Variants in GRB10 observed in about 807,000 individuals in gnomAD.
GRB10 encodes the protein growth factor receptor bound protein 10, also known as growth factor receptor-bound protein 10.
In GRB10, 20 loss-of-function variants were observed where a neutral mutation model predicts 80.9. That is an observed-to-expected ratio of 0.25 (90% CI 0.17 to 0.36). The LOEUF (loss-of-function observed/expected upper bound fraction) is 0.36. GRB10 is among the 10% of genes least tolerant of loss of function. The pLI is 1.00. For synonymous variants in GRB10, 291 were observed against 291.5 expected, an observed-to-expected ratio of 1.00 and a Z score of 0.02; for missense variants, 548 against 747.7, an observed-to-expected ratio of 0.73 and a Z score of 3.12.
intron 3 of GRB10, among the ~76,000 whole-genome samples, chr7:50,749,250 T>C (rs1476546945): frequency 1.3e-5 from 2 of 151,022 alleles, no homozygotes; most frequent in Non-Finnish European, 2.9e-5. Flanking sequence ...TGCCTCAGCC[T>C]CCAGAGTAGC....
At chr7:50,676,322 G>T (rs74809540) in intron 5 of GRB10, among the ~76,000 whole-genome samples, 1 of 127,528 alleles carries the variant, frequency 7.8e-6, no homozygotes, top group Non-Finnish European at 1.6e-5. Context: ...CTTAGCAATA[G>T]TGTCCACCCC....
intron 4 of GRB10, among the ~76,000 whole-genome samples, chr7:50,716,059 C>T (rs1394899746): frequency 1.3e-5 from 2 of 152,168 alleles, no homozygotes; most frequent in Non-Finnish European, 2.9e-5. Flanking sequence ...AGAGAGGGGG[C>T]TCTCCACACA....
In GRB10 at chr7:50,614,847, C is replaced by G; in HGVS notation, c.1018G>C (p.Glu340Gln). 1 of 1,613,856 alleles carries G rather than the reference C, an allele frequency of 6.2e-7. No individual in the cohort carries two copies. Among genetic ancestry groups the G allele is most frequent in the Non-Finnish European group, 8.5e-7 (1 of 1,179,832 alleles). The change falls in exon 12 of 19, where the codon GAG becomes CAG. Residue 340 changes from glutamate (E) to glutamine (Q), a missense_variant. Physicochemically the swap from Glu to Gln is conservative, Grantham distance 29. Around this residue, in one of 4 missense-constraint regions of GRB10, gnomAD observed 270 missense variants for 433.6 expected, o/e 0.62. Transcript: ENST00000401949. ...PRHLQLLADL[E>Q]DSNIFSLIAG... ...ATCAGGGAGAAGATGTTGCTGTCCT[C>G]CAGGTCGGCCAGCAGCTGCAGGTGT... is the stretch of plus-strand genomic sequence containing the variant.
At chr7:50,639,673 CAAAA>C (rs544650823) in intron 7 of GRB10, among the ~76,000 whole-genome samples, 1 of 125,354 alleles carries the variant, frequency 8.0e-6, no homozygotes. Flanking sequence ...GACTCTGTCT[CAAAA>C]AAAAAAAAAA....
intron 3 of GRB10, among the ~76,000 whole-genome samples, chr7:50,735,872 A>AAAAAAC (rs1563653264): frequency 6.6e-6 from 1 of 152,176 alleles, no homozygotes; most frequent in Non-Finnish European, 1.5e-5. Context: ...CTACAGGAAA[A>AAAAAAC]AAAACAAAAC....
At chr7:50,728,483 A>G (rs1253788676) in intron 4 of GRB10, among the ~76,000 whole-genome samples, 1 of 152,122 alleles carries the variant, frequency 6.6e-6, no homozygotes, top group Non-Finnish European at 1.5e-5. Context: ...AACCCAGAAA[A>G]TGGGGAGGAG....
intron 3 of GRB10, among the ~76,000 whole-genome samples, chr7:50,741,387 C>T (rs1007247094): frequency 2.6e-5 from 4 of 151,964 alleles, no homozygotes; most frequent in Non-Finnish European, 4.4e-5. Context: ...TTGCAGAACA[C>T]GGCCCCAAGG....
At chr7:50,693,201 A>G (rs142356368) in intron 5 of GRB10, among the ~76,000 whole-genome samples, 190 of 152,320 alleles carry the variant, frequency 1.2e-3, no homozygotes, top group African/African-American at 4.2e-3. Flanking sequence ...TAATGTTGCT[A>G]AGAATGGCTT....
intron 3 of GRB10, among the ~76,000 whole-genome samples, chr7:50,742,271 GCACACACACACACACACACACACACA>G (rs55813195): frequency 0.061 from 2,850 of 46,904 alleles, 99 homozygotes; most frequent in African/African-American, 0.16. Context: ...ACGCGCGCGC[GCACACACACACACACACACACACACA>G]CACACACACA....
chr7:50,779,810 ACT>A (rs2078091274), intron 2 of GRB10: 1 of 152,214 alleles, frequency 6.6e-6, no homozygotes, highest in Non-Finnish European at 1.5e-5. Flanking sequence ...TTTGTAGGTG[ACT>A]TACAGGTACC....
intron 7 of GRB10, among the ~76,000 whole-genome samples, chr7:50,654,580 G>A (rs1013891761): frequency 3.3e-5 from 5 of 151,938 alleles, no homozygotes; most frequent in Non-Finnish European, 5.9e-5. Flanking sequence ...TCTAAGCAGG[G>A]GTTTTTCTTT....
In GRB10 at chr7:50,667,488, A is replaced by C. The variant is rs554707687; in HGVS notation, c.504+2234T>G. ...TCCTCAAGCAAGGGGCAAGGAATGG[A>C]GCCAAAGCTCTTTGCCCAGCACCAT... On this transcript the variant is annotated intron_variant, in intron 7 of 18. Transcript: ENST00000401949. Among the ~76,000 whole-genome samples the C allele has an allele frequency of 1.6e-3, 242 of 152,296 alleles. 1 individual carries two copies. Among genetic ancestry groups the C allele is most frequent in the Non-Finnish European group, 2.3e-3 (156 of 68,038 alleles).
intron 2 of GRB10, among the ~76,000 whole-genome samples, chr7:50,769,163 T>A (rs978673218): frequency 6.6e-6 from 1 of 152,186 alleles, no homozygotes; most frequent in Non-Finnish European, 1.5e-5. Flanking sequence ...TCCATCAAAA[T>A]CCACTCTTAG....
At chr7:50,628,897 T>C (rs1459688165) in intron 7 of GRB10, among the ~76,000 whole-genome samples, 2 of 152,218 alleles carry the variant, frequency 1.3e-5, no homozygotes, top group Non-Finnish European at 2.9e-5. Flanking sequence ...CATGGCTGAA[T>C]AAGTCTACAG....
At chr7:50,715,801 T>A (rs2066760445) in intron 4 of GRB10, among the ~76,000 whole-genome samples, 1 of 152,242 alleles carries the variant, frequency 6.6e-6, no homozygotes, top group African/African-American at 2.4e-5. Flanking sequence ...GGATTAGATG[T>A]ACCCTCTCCC....
intron 7 of GRB10, among the ~76,000 whole-genome samples, chr7:50,653,211 A>C (rs2058197499): frequency 6.6e-6 from 1 of 152,144 alleles, no homozygotes; most frequent in South Asian, 2.1e-4. Flanking sequence ...TGTCAGCCCT[A>C]GGCCGTGGGC....
At chr7:50,677,089 G>T (rs1365645593) in intron 5 of GRB10, among the ~76,000 whole-genome samples, 1 of 152,170 alleles carries the variant, frequency 6.6e-6, no homozygotes, top group African/African-American at 2.4e-5. Flanking sequence ...TGCGGACTGG[G>T]TGAAATCAGC....
intron 5 of GRB10, among the ~76,000 whole-genome samples, chr7:50,678,955 C>T (rs919057684): frequency 7.2e-5 from 11 of 152,134 alleles, no homozygotes; most frequent in African/African-American, 1.9e-4. Flanking sequence ...GTTAACTTGA[C>T]GCCAAAATAT....
intron 7 of GRB10, among the ~76,000 whole-genome samples, chr7:50,656,588 G>A (rs1181972761): frequency 2.0e-5 from 3 of 152,244 alleles, no homozygotes; most frequent in Non-Finnish European, 4.4e-5. Flanking sequence ...TAAGGTGTCT[G>A]CGGTATTCTG....
Sources: gnomAD v4.1 joint callset for allele counts (sites outside exome capture counted in the v4.1 genomes callset) on GRCh38, gnomAD v4.1.1 for gene constraint, gnomAD v4.1.1 regional missense constraint, MANE v1.5 for transcripts, NCBI Gene and HGNC (gene_info 2026-07-23, HGNC 2026-07-21) for gene names.